KCND2: variants seen among roughly 807,000 people sequenced by gnomAD.
The protein encoded by KCND2 is A-type voltage-gated potassium channel KCND2.
KCND2 carries 16 observed loss-of-function variants against 54.4 expected under a neutral mutation model. The observed-to-expected ratio is 0.29, with a 90% CI of 0.20 to 0.45. The LOEUF is 0.45. Among genes scored for constraint, KCND2 ranks in the 20% least tolerant of loss-of-function variants. The pLI, the probability that KCND2 is intolerant of heterozygous loss-of-function variation, is 1.00. For synonymous variants in KCND2, 317 were observed against 310.7 expected, an observed-to-expected ratio of 1.02 and a Z score of -0.21; for missense variants, 486 against 824.2, an observed-to-expected ratio of 0.59 and a Z score of 5.02.
At chr7:120,311,268 G>A (rs1333473404) in intron 1 of KCND2, among the ~76,000 whole-genome samples, 1 of 152,096 alleles carries the variant, frequency 6.6e-6, no homozygotes, top group Non-Finnish European at 1.5e-5. Context: ...TAATAAAAAT[G>A]CTATTTTAAA....
chr7:120,353,132 A>ATTTTTTTTT (rs1491194211), intron 1 of KCND2, among the ~76,000 whole-genome samples: 5 of 75,028 alleles, frequency 6.7e-5, no homozygotes, highest in Non-Finnish European at 5.8e-5. Context: ...AAATACTTTT[A>ATTTTTTTTT]CTTTTTTTTT....
At chr7:120,376,891 T>C (rs186587710) in intron 1 of KCND2, among the ~76,000 whole-genome samples, 1 of 151,982 alleles carries the variant, frequency 6.6e-6, no homozygotes, top group African/African-American at 2.4e-5. Context: ...TGTTCTGATA[T>C]TGTATTGGAA....
intron 1 of KCND2, among the ~76,000 whole-genome samples, chr7:120,657,482 G>C (rs1451495932): frequency 1.3e-5 from 2 of 152,102 alleles, no homozygotes; most frequent in Non-Finnish European, 2.9e-5. Context: ...ACAGGGTCTA[G>C]TTCACACAAA....
chr7:120,327,543 G>A (rs1799996190), intron 1 of KCND2, among the ~76,000 whole-genome samples: 1 of 151,972 alleles, frequency 6.6e-6, no homozygotes, highest in Admixed American at 6.6e-5. Context: ...ATCCTGAATT[G>A]CAGCAACTAA....
intron 1 of KCND2, among the ~76,000 whole-genome samples, chr7:120,348,006 C>T (rs967900985): frequency 6.6e-6 from 1 of 152,012 alleles, no homozygotes; most frequent in Non-Finnish European, 1.5e-5. Context: ...TTCAGGAAGG[C>T]GCTAAACTCA....
At chr7:120,516,938 C>G (rs148346392) in intron 1 of KCND2, among the ~76,000 whole-genome samples, 28 of 152,074 alleles carry the variant, frequency 1.8e-4, no homozygotes, top group African/African-American at 5.8e-4. Flanking sequence ...TGGTGGACAT[C>G]CTGAAGTTGT....
In KCND2 at chr7:120,310,281, A is replaced by G. The variant is rs1437021127; in HGVS notation, c.1115+34534A>G. On this transcript the variant is annotated intron_variant, in intron 1 of 5. Coordinates refer to ENST00000331113, the MANE Select transcript of KCND2 (RefSeq NM_012281.3). Reference sequence around the variant, plus strand: ...GTGTTAGTCTAAAATTGCAAAAATTATAGGATAATATGAACAAATACAATC... The same window carrying G: ...GTGTTAGTCTAAAATTGCAAAAATTGTAGGATAATATGAACAAATACAATC... Among the ~76,000 whole-genome samples the G allele has an allele frequency of 3.9e-5, 6 of 152,352 alleles. No homozygotes were observed. In the East Asian group the frequency reaches 9.6e-4, roughly 25 times the overall value.
chr7:120,514,773 A>G (rs539863343), intron 1 of KCND2, among the ~76,000 whole-genome samples: 48 of 152,058 alleles, frequency 3.2e-4, no homozygotes, highest in Admixed American at 2.4e-3. Context: ...TTAGATTCTC[A>G]TAAGAAGCAT....
At chr7:120,673,773 T>C (rs1447653409) in intron 1 of KCND2, among the ~76,000 whole-genome samples, 2 of 152,150 alleles carry the variant, frequency 1.3e-5, no homozygotes, top group Non-Finnish European at 2.9e-5. Flanking sequence ...CATGGCCTAG[T>C]GATGGCATCC....
At chr7:120,596,706 A>G (rs1792750159) in intron 1 of KCND2, among the ~76,000 whole-genome samples, 1 of 149,646 alleles carries the variant, frequency 6.7e-6, no homozygotes, top group Non-Finnish European at 1.5e-5. Flanking sequence ...ATAAATATTT[A>G]TCACATCCTG....
At chr7:120,308,122 T>G (rs1799676445) in intron 1 of KCND2, among the ~76,000 whole-genome samples, 1 of 152,136 alleles carries the variant, frequency 6.6e-6, no homozygotes, top group Non-Finnish European at 1.5e-5. Flanking sequence ...CTCTTTCGTG[T>G]ACTTTTTACT....
At chr7:120,349,405 G>T (rs1046754343) in intron 1 of KCND2, among the ~76,000 whole-genome samples, 1 of 151,810 alleles carries the variant, frequency 6.6e-6, no homozygotes, top group African/African-American at 2.4e-5. Flanking sequence ...TGTCTTTCTG[G>T]AATTAATGCA....
chr7:120,428,709 C>A (rs2116158128), intron 1 of KCND2, among the ~76,000 whole-genome samples: 1 of 152,218 alleles, frequency 6.6e-6, no homozygotes, highest in East Asian at 1.9e-4. Flanking sequence ...GCAAGACCAG[C>A]ACAGTGCATA....
intron 1 of KCND2, among the ~76,000 whole-genome samples, chr7:120,720,199 C>T (rs1223716709): frequency 1.3e-5 from 2 of 152,122 alleles, no homozygotes; most frequent in Non-Finnish European, 2.9e-5. Flanking sequence ...CTGATTTGCT[C>T]ATGATCATTC....
intron 1 of KCND2, among the ~76,000 whole-genome samples, chr7:120,698,714 C>A (rs1227192156): frequency 6.6e-6 from 1 of 152,002 alleles, no homozygotes; most frequent in Non-Finnish European, 1.5e-5. Flanking sequence ...AATGTCAGAC[C>A]CAAAAGGTAG....
chr7:120,629,783 G>A (rs931368611), intron 1 of KCND2, among the ~76,000 whole-genome samples: 7 of 152,164 alleles, frequency 4.6e-5, no homozygotes, highest in Non-Finnish European at 1.0e-4. Flanking sequence ...GGGCTTTGGT[G>A]TGTGTGAGAG....
intron 1 of KCND2, among the ~76,000 whole-genome samples, chr7:120,557,083 A>T (rs1405583285): frequency 1.3e-5 from 2 of 152,202 alleles, no homozygotes; most frequent in Non-Finnish European, 2.9e-5. Context: ...TGCTTACTCT[A>T]ATCAATGAGA....
intron 1 of KCND2, among the ~76,000 whole-genome samples, chr7:120,351,814 CTTTT>C (rs1040442987): frequency 2.7e-5 from 4 of 148,602 alleles, no homozygotes; most frequent in Non-Finnish European, 6.0e-5. Flanking sequence ...TTCTTTCTTT[CTTTT>C]TTTTTCTTTT....
intron 1 of KCND2, among the ~76,000 whole-genome samples, chr7:120,701,083 T>C (rs908380962): frequency 6.6e-6 from 1 of 151,914 alleles, no homozygotes; most frequent in Non-Finnish European, 1.5e-5. Context: ...TAGCAGATGA[T>C]AGAAAGGGGA....
Sources: allele counts gnomAD v4.1 joint callset (sites outside exome capture counted in the v4.1 genomes callset), GRCh38; gene constraint gnomAD v4.1.1; transcripts MANE v1.5; gene names NCBI Gene and HGNC (gene_info 2026-07-23, HGNC 2026-07-21).